COL5A2: variants seen among roughly 807,000 people sequenced by gnomAD.
COL5A2 encodes the protein collagen alpha-2(V) chain.
In COL5A2, 23 loss-of-function variants were observed where a neutral mutation model predicts 208.2. That is an observed-to-expected ratio of 0.11 (90% confidence interval 0.08 to 0.16). The LOEUF (loss-of-function observed/expected upper bound fraction) is 0.16, where lower values mean the gene tolerates loss of function less well. Ranked by LOEUF, COL5A2 falls within the 10% of genes least tolerant of loss-of-function variation. The probability of loss-of-function intolerance (pLI) is 1.00; values close to 1 mark genes in which losing one functional copy is unlikely to be tolerated. For synonymous variants in COL5A2, 625 were observed against 628.5 expected, an observed-to-expected ratio of 0.99 and a Z score of 0.08; for missense variants, 1,590 against 1,956.4, an observed-to-expected ratio of 0.81 and a Z score of 3.53.
chr2:189,038,738 C>T (rs559567033), intron 51 of COL5A2, among the ~76,000 whole-genome samples: 2 of 152,214 alleles, frequency 1.3e-5, no homozygotes, highest in East Asian at 1.9e-4. Context: ...CGCTCTGTCG[C>T]CCAGGCAGTG....
rs186925603 is a variant in COL5A2 at position 189,225,016 on chromosome 2, A to G, written c.-42+132T>C. 2.7e-3 allele frequency among the ~76,000 whole-genome samples: 404 copies of G among 152,340 alleles called. 3 individuals carry two copies. The highest frequency in any genetic ancestry group is 8.0e-3 in the African/African-American group (333 of 41,584). ...AAATAAATCAACTGCAATGCATATC[A>G]AAACAATGAGACATTTTACAATTAT... On this transcript the variant is annotated intron_variant, in intron 1 of 10. Transcript: ENST00000649966.
In COL5A2 at chr2:189,058,838, A is replaced by C; in HGVS notation, c.2130+11T>G. 6.2e-7 allele frequency: 1 copy of C among 1,612,550 alleles called. No individual in the cohort carries two copies. The highest frequency in any genetic ancestry group is 2.2e-5 in the East Asian group (1 of 44,840). On this transcript the variant is annotated intron_variant, in intron 32 of 53. Transcript: ENST00000374866. Reference sequence around the variant, plus strand: ...GGAAACAACATTAATCATGAAGATTAAAATACTTACTCTAGGTCCTAACGG... The same window carrying C: ...GGAAACAACATTAATCATGAAGATTCAAATACTTACTCTAGGTCCTAACGG...
the COL5A2 span, among the ~76,000 whole-genome samples, chr2:189,426,948 A>G: frequency 6.6e-6 from 1 of 152,354 alleles, no homozygotes; most frequent in Non-Finnish European, 1.5e-5. Flanking sequence ...CAGCTTTGCC[A>G]TGTAGTACAA....
intron 1 of COL5A2, among the ~76,000 whole-genome samples, chr2:189,172,646 T>C (rs766217534): frequency 2.0e-5 from 3 of 152,160 alleles, no homozygotes; most frequent in Non-Finnish European, 2.9e-5. Context: ...TCTCACATGA[T>C]GGCTGGACCA....
chr2:189,334,613 T>A, the COL5A2 span, among the ~76,000 whole-genome samples: 1 of 152,028 alleles, frequency 6.6e-6, no homozygotes, highest in Non-Finnish European at 1.5e-5. Context: ...GATATACTAT[T>A]TCATAAAATT....
chr2:189,284,912 G>A, the COL5A2 span, among the ~76,000 whole-genome samples: 1 of 152,026 alleles, frequency 6.6e-6, no homozygotes, highest in African/African-American at 2.4e-5. Flanking sequence ...GACTGTATAA[G>A]GTATGCTTGG....
At chr2:189,401,040 G>A in the COL5A2 span, among the ~76,000 whole-genome samples, 1 of 65,996 alleles carries the variant, frequency 1.5e-5, no homozygotes, top group Non-Finnish European at 4.1e-5. Context: ...TTCCTTGTCC[G>A]AGTCATTCTT....
chr2:189,179,366 G>T, intron 1 of COL5A2, 142 bp downstream of exon 1: 2 of 897,654 alleles, frequency 2.2e-6, no homozygotes, highest in Non-Finnish European at 3.6e-6. Context: ...CTTTCAAGTC[G>T]TTTTCCAGGT....
chr2:189,061,488 C>G, intron 30 of COL5A2, 74 bp downstream of exon 30: 1 of 1,090,870 alleles, frequency 9.2e-7, no homozygotes, highest in East Asian at 2.5e-5. Context: ...ATCTTCTGAC[C>G]ATATCTTTTT....
the COL5A2 span, among the ~76,000 whole-genome samples, chr2:189,387,250 T>C: frequency 6.6e-6 from 1 of 152,002 alleles, no homozygotes; most frequent in Non-Finnish European, 1.5e-5. Context: ...CATTTACAAG[T>C]GGAAGGTAAA....
intron 38 of COL5A2, 50 bp from the exon 39 acceptor site, chr2:189,053,068 ATTACT>A (rs749836937): frequency 2.9e-6 from 4 of 1,383,326 alleles, no homozygotes; most frequent in East Asian, 2.3e-5. Context: ...TTATAGACAA[ATTACT>A]TTAGAGTAAT....
chr2:189,344,583 T>G, the COL5A2 span, among the ~76,000 whole-genome samples: 25 of 152,230 alleles, frequency 1.6e-4, no homozygotes, highest in Non-Finnish European at 2.8e-4. Flanking sequence ...CAAGAATATC[T>G]AAACTGAAAC....
At chr2:189,406,021 G>A in the COL5A2 span, among the ~76,000 whole-genome samples, 1 of 152,106 alleles carries the variant, frequency 6.6e-6, no homozygotes, top group Non-Finnish European at 1.5e-5. Flanking sequence ...AGTGATTAAA[G>A]GAAAATATAT....
At chr2:189,432,529 T>C in the COL5A2 span, among the ~76,000 whole-genome samples, 6 of 152,154 alleles carry the variant, frequency 3.9e-5, no homozygotes, top group African/African-American at 1.4e-4. Context: ...GGGGTTGCAA[T>C]CCTAGTCTCT....
the COL5A2 span, among the ~76,000 whole-genome samples, chr2:189,425,504 C>A: frequency 6.6e-6 from 1 of 152,138 alleles, no homozygotes; most frequent in Non-Finnish European, 1.5e-5. Flanking sequence ...CAATGAAATA[C>A]TATGCAGCCA....
the COL5A2 span, among the ~76,000 whole-genome samples, chr2:189,362,957 T>C: frequency 6.6e-6 from 1 of 152,098 alleles, no homozygotes; most frequent in South Asian, 2.1e-4. Context: ...TATATGCTAG[T>C]AAATTTTAAG....
the COL5A2 span, among the ~76,000 whole-genome samples, chr2:189,342,680 C>CA: frequency 7.9e-4 from 101 of 128,328 alleles, no homozygotes; most frequent in African/African-American, 2.9e-3. Flanking sequence ...CACACACACA[C>CA]AATAAATATG....
At chr2:189,393,599 T>C in the COL5A2 span, among the ~76,000 whole-genome samples, 1 of 152,154 alleles carries the variant, frequency 6.6e-6, no homozygotes, top group Non-Finnish European at 1.5e-5. Flanking sequence ...GAATGCTGTT[T>C]ATAACAGGGA....
At chr2:189,099,120 A>T (rs1686996773) in intron 4 of COL5A2, among the ~76,000 whole-genome samples, 1 of 152,164 alleles carries the variant, frequency 6.6e-6, no homozygotes, top group Non-Finnish European at 1.5e-5. Flanking sequence ...TGATTAGGTA[A>T]TTACCTCCCT....
Sources: gnomAD v4.1 joint callset for allele counts (sites outside exome capture counted in the v4.1 genomes callset) on GRCh38, gnomAD v4.1.1 for gene constraint, MANE v1.5 for transcripts, NCBI Gene and HGNC (gene_info 2026-07-23, HGNC 2026-07-21) for gene names.